GABBR2: variants seen among roughly 807,000 people sequenced by gnomAD.
The protein encoded by GABBR2 is gamma-aminobutyric acid type B receptor subunit 2, also known as G-protein coupled receptor 51.
Under a neutral mutation model 105.6 loss-of-function variants are expected in GABBR2, and 23 were observed. The ratio of observed to expected loss-of-function variants is 0.22; its 90% CI spans 0.16 to 0.31. The LOEUF is 0.31. Among genes scored for constraint, GABBR2 ranks in the 10% least tolerant of loss-of-function variants. The pLI is 1.00. For missense variants in GABBR2, 734 were observed against 1,245.5 expected (o/e 0.59, Z 6.18); for synonymous variants, 478 against 499.7 (o/e 0.96, Z 0.58).
At chr9:98,610,502 G>T (rs549663626) in intron 1 of GABBR2, among the ~76,000 whole-genome samples, 1 of 152,318 alleles carries the variant, frequency 6.6e-6, no homozygotes, top group African/African-American at 2.4e-5. Context: ...GCAAAAATGT[G>T]ATTTAGTGAA....
At chr9:98,506,986 T>C (rs1309148504) in intron 3 of GABBR2, among the ~76,000 whole-genome samples, 1 of 152,092 alleles carries the variant, frequency 6.6e-6, no homozygotes, top group Non-Finnish European at 1.5e-5. Flanking sequence ...CGGAGGCCTG[T>C]CTCCCAGAAC....
chr9:98,492,933 C>T lies in GABBR2; in HGVS notation c.732+3480G>A, dbSNP rs531534302. Among the ~76,000 whole-genome samples, 52 of 152,280 alleles carry T rather than the reference C, an allele frequency of 3.4e-4. No individual in the cohort carries two copies. The East Asian group carries it at 9.5e-3, about 28-fold the overall frequency. On this transcript the variant is annotated intron_variant, in intron 4 of 18. Coordinates refer to ENST00000259455, the MANE Select transcript of GABBR2 (RefSeq NM_005458.8). ...TTATTCTTTTTTATCCCCCCTTCTC[C>T]TACTGTACCCTTTGGAAGGAAGTAA...
intron 13 of GABBR2, among the ~76,000 whole-genome samples, chr9:98,355,865 T>C (rs1340365214): frequency 1.3e-5 from 2 of 152,198 alleles, no homozygotes; most frequent in East Asian, 1.9e-4. Flanking sequence ...GATGAAATAA[T>C]AGATCAATGT....
At chr9:98,642,438 T>G (rs1202383825) in intron 1 of GABBR2, among the ~76,000 whole-genome samples, 1 of 152,220 alleles carries the variant, frequency 6.6e-6, no homozygotes, top group Non-Finnish European at 1.5e-5. Flanking sequence ...AAGAATCTTC[T>G]TGCATCTCAG....
At chr9:98,500,667 T>C (rs372945017) in intron 3 of GABBR2, among the ~76,000 whole-genome samples, 14 of 152,308 alleles carry the variant, frequency 9.2e-5, no homozygotes, top group African/African-American at 3.1e-4. Flanking sequence ...GCCCCTGGAA[T>C]AAATAATCTG....
At chr9:98,485,203 C>A (rs995050792) in intron 4 of GABBR2, among the ~76,000 whole-genome samples, 2 of 151,980 alleles carry the variant, frequency 1.3e-5, no homozygotes, top group Non-Finnish European at 2.9e-5. Context: ...GGGTTGGAGA[C>A]CATACATGGA....
intron 2 of GABBR2, among the ~76,000 whole-genome samples, chr9:98,554,156 G>T (rs1170121837): frequency 6.6e-6 from 1 of 152,136 alleles, no homozygotes; most frequent in Admixed American, 6.5e-5. Context: ...GCTTCTCAGG[G>T]AGGCATCTGA....
At chr9:98,687,975 G>T (rs938067717) in intron 1 of GABBR2, among the ~76,000 whole-genome samples, 1 of 152,170 alleles carries the variant, frequency 6.6e-6, no homozygotes, top group Non-Finnish European at 1.5e-5. Flanking sequence ...ATGCCCCAAA[G>T]GACACCCCTT....
intron 13 of GABBR2, among the ~76,000 whole-genome samples, chr9:98,357,008 C>G (rs1831496071): frequency 6.6e-6 from 1 of 152,168 alleles, no homozygotes; most frequent in Non-Finnish European, 1.5e-5. Flanking sequence ...AAAGGAAAAA[C>G]TATGGATCCG....
At chr9:98,336,515 C>A (rs1395269536) in intron 13 of GABBR2, among the ~76,000 whole-genome samples, 2 of 152,016 alleles carry the variant, frequency 1.3e-5, no homozygotes, top group East Asian at 3.9e-4. Context: ...ACCAGCCTGG[C>A]CAATATGGTG....
At chr9:98,478,915 C>T (rs1216601530) in intron 5 of GABBR2, among the ~76,000 whole-genome samples, 7 of 152,156 alleles carry the variant, frequency 4.6e-5, no homozygotes, top group Admixed American at 3.3e-4. Context: ...CATGTACCAG[C>T]TCCTTGCAAG....
chr9:98,326,197 G>A (rs1830919577), intron 13 of GABBR2, among the ~76,000 whole-genome samples: 2 of 152,218 alleles, frequency 1.3e-5, no homozygotes, highest in Non-Finnish European at 2.9e-5. Flanking sequence ...AGTTGAAGTT[G>A]TACATTTTTT....
intron 3 of GABBR2, among the ~76,000 whole-genome samples, chr9:98,520,671 G>A (rs1827849102): frequency 6.6e-6 from 1 of 152,208 alleles, no homozygotes; most frequent in Admixed American, 6.5e-5. Flanking sequence ...CAAAGGGGAT[G>A]GAAACTTGGA....
intron 1 of GABBR2, among the ~76,000 whole-genome samples, chr9:98,606,485 T>TC (rs1193394457): frequency 7.7e-6 from 1 of 130,562 alleles, no homozygotes; most frequent in East Asian, 2.1e-4. Flanking sequence ...TTTTTTTTCT[T>TC]TTTTTTTTTT....
At chr9:98,647,024 A>G (rs905582484) in intron 1 of GABBR2, among the ~76,000 whole-genome samples, 6 of 152,354 alleles carry the variant, frequency 3.9e-5, no homozygotes, top group African/African-American at 1.4e-4. Flanking sequence ...ACCAGGCACA[A>G]TGAGAAGAGG....
chr9:98,487,541 A>G (rs1176464550), intron 4 of GABBR2, among the ~76,000 whole-genome samples: 1 of 152,088 alleles, frequency 6.6e-6, no homozygotes, highest in African/African-American at 2.4e-5. Context: ...TTAGGAGGCC[A>G]AGGCAGGAGA....
At position 98,360,315 on chromosome 9, in the gene GABBR2, C is replaced by T. The variant is rs114341484; in HGVS notation, c.1893+2400G>A. ...CGGCTTGGTGCTGTTTGTAGAAAAA[C>T]GACAATAAACAGGGCTGTGGGTGGA... On this transcript the variant is annotated intron_variant, in intron 13 of 18. Coordinates refer to ENST00000259455, the MANE Select transcript of GABBR2 (RefSeq NM_005458.8). 3.2e-3 allele frequency among the ~76,000 whole-genome samples: 483 copies of T among 152,208 alleles called. 3 individuals are homozygous for T. The highest frequency in any genetic ancestry group is 0.011 in the African/African-American group (457 of 41,536).
At chr9:98,501,321 C>T (rs1827396271) in intron 3 of GABBR2, among the ~76,000 whole-genome samples, 1 of 152,114 alleles carries the variant, frequency 6.6e-6, no homozygotes, top group Admixed American at 6.6e-5. Flanking sequence ...CCCGCCACCA[C>T]ACCCAGCTAA....
At chr9:98,593,384 C>T (rs77789964) in intron 1 of GABBR2, among the ~76,000 whole-genome samples, 1,658 of 152,194 alleles carry the variant, frequency 0.011, 26 homozygotes, top group African/African-American at 0.038. Context: ...TGAGGAAGGG[C>T]AGGGCGTGGG....
Sources: gnomAD v4.1 joint callset for allele counts (sites outside exome capture counted in the v4.1 genomes callset) on GRCh38, gnomAD v4.1.1 for gene constraint, MANE v1.5 for transcripts, NCBI Gene and HGNC (gene_info 2026-07-23, HGNC 2026-07-21) for gene names.